KLF17: variants seen among roughly 807,000 people sequenced by gnomAD.
KLF17 encodes KLF transcription factor 17, also known as Krueppel-like factor 17.
In KLF17, 31 loss-of-function variants were observed where a neutral mutation model predicts 34.2. The observed-to-expected ratio is 0.91, with a 90% CI of 0.68 to 1.22. The LOEUF is 1.22. Ranked by LOEUF, KLF17 falls within the 50% of genes most tolerant of loss-of-function variation. The pLI, the probability that KLF17 is intolerant of heterozygous loss-of-function variation, is 0.00. For synonymous variants in KLF17, 179 were observed against 186.7 expected, an observed-to-expected ratio of 0.96 and a Z score of 0.34; for missense variants, 478 against 505.2, an observed-to-expected ratio of 0.95 and a Z score of 0.52.
chr1:44,082,967 G>C, the KLF17 span, among the ~76,000 whole-genome samples: 1 of 147,378 alleles, frequency 6.8e-6, no homozygotes, highest in African/African-American at 2.5e-5. Context: ...TTTGAGACAG[G>C]GTCTCACTCT....
At chr1:44,067,727 C>T in the KLF17 span, among the ~76,000 whole-genome samples, 4 of 152,106 alleles carry the variant, frequency 2.6e-5, no homozygotes, top group Non-Finnish European at 4.4e-5. Context: ...AGAGAAGGAG[C>T]AGCTCACTGT....
At chr1:44,086,257 G>A in the KLF17 span, among the ~76,000 whole-genome samples, 8 of 152,292 alleles carry the variant, frequency 5.3e-5, no homozygotes, top group South Asian at 1.0e-3. Flanking sequence ...ACCTGAGATC[G>A]GGAGTTTGTG....
the KLF17 span, among the ~76,000 whole-genome samples, chr1:44,093,755 C>T: frequency 6.6e-6 from 1 of 152,148 alleles, no homozygotes; most frequent in South Asian, 2.1e-4. Flanking sequence ...GACCAGAGAC[C>T]TCTGGAGGAG....
At chr1:44,129,072 G>A (rs551062433) in intron 1 of KLF17, among the ~76,000 whole-genome samples, 2 of 152,066 alleles carry the variant, frequency 1.3e-5, no homozygotes, top group East Asian at 3.9e-4. Flanking sequence ...TGAAGGTGTA[G>A]GTTATGGACT....
chr1:44,062,619 G>A, the KLF17 span, among the ~76,000 whole-genome samples: 2 of 151,794 alleles, frequency 1.3e-5, no homozygotes, highest in East Asian at 3.9e-4. Context: ...TACTCAGGAG[G>A]CTGAGGTGAT....
At chr1:44,071,784 C>T in the KLF17 span, among the ~76,000 whole-genome samples, 1 of 152,108 alleles carries the variant, frequency 6.6e-6, no homozygotes, top group Non-Finnish European at 1.5e-5. Context: ...CAGCATAAAT[C>T]CAAGCTCCTA....
chr1:44,062,460 T>A, the KLF17 span, among the ~76,000 whole-genome samples: 1 of 151,962 alleles, frequency 6.6e-6, no homozygotes, highest in Non-Finnish European at 1.5e-5. Flanking sequence ...TCCCAACACT[T>A]TGGGAGGCCA....
upstream of KLF17, among the ~76,000 whole-genome samples, chr1:44,117,802 C>T (rs1360362440): frequency 1.3e-5 from 2 of 152,162 alleles, no homozygotes; most frequent in South Asian, 2.1e-4. Flanking sequence ...GCCTCATCTC[C>T]TTTAGATTTC....
At chr1:44,101,406 T>C in the KLF17 span, among the ~76,000 whole-genome samples, 1 of 148,754 alleles carries the variant, frequency 6.7e-6, no homozygotes, top group African/African-American at 2.4e-5. Context: ...TGTCACGTCT[T>C]CTTTATGACT....
the KLF17 span, among the ~76,000 whole-genome samples, chr1:44,090,306 CAAAAAAAAAAAA>C: frequency 1.5e-3 from 34 of 23,414 alleles, no homozygotes; most frequent in East Asian, 0.013. Flanking sequence ...CTTGTCTCTA[CAAAAAAAAAAAA>C]AAAAAAAAAA....
the KLF17 span, among the ~76,000 whole-genome samples, chr1:44,067,053 A>G: frequency 0.13 from 19,687 of 152,076 alleles, 1,484 homozygotes; most frequent in African/African-American, 0.21. Context: ...ATAACATTTA[A>G]CTCTTGGGAT....
chr1:44,061,782 G>A, the KLF17 span, among the ~76,000 whole-genome samples: 1 of 152,172 alleles, frequency 6.6e-6, no homozygotes, highest in Non-Finnish European at 1.5e-5. Flanking sequence ...GCCAGGTGTG[G>A]TGGCAGGTGC....
rs747380426 is a variant in KLF17, at chr1:44,118,918, G to A, written c.11G>A (p.Arg4Gln). The A allele has an allele frequency of 1.9e-6, 3 of 1,611,930 alleles. No homozygotes were observed. The highest frequency in any genetic ancestry group is 2.2e-5 in the South Asian group (2 of 90,634). Residue 4 changes from arginine to glutamine, a missense_variant, in exon 1 of 4, where the codon CGA (arginine) becomes CAA (glutamine). Physicochemically the swap from Arg to Gln is conservative, Grantham distance 43. Transcript: ENST00000372299. ...CCCCACCCAGTCTTCATGTACGGCC[G>A]ACCGCAGGCTGAGATGGAACAGGAG... is the stretch of plus-strand genomic sequence containing the variant. The part of the protein sequence containing the change: MYG[R>Q]PQAEMEQEAG...
At chr1:44,090,281 G>A in the KLF17 span, among the ~76,000 whole-genome samples, 44 of 104,984 alleles carry the variant, frequency 4.2e-4, no homozygotes, top group Middle Eastern at 0.026. Flanking sequence ...ACCAGCCTGG[G>A]CAACACAGTG....
the KLF17 span, among the ~76,000 whole-genome samples, chr1:44,109,375 C>CA: frequency 3.9e-5 from 6 of 152,062 alleles, no homozygotes; most frequent in Admixed American, 1.3e-4. Flanking sequence ...CAAAACAAAA[C>CA]AAAAACCTTT....
chr1:44,113,156 T>C, the KLF17 span, among the ~76,000 whole-genome samples: 1 of 152,180 alleles, frequency 6.6e-6, no homozygotes, highest in African/African-American at 2.4e-5. Flanking sequence ...ATCCCAGCAT[T>C]TTGGGAGGCT....
At chr1:44,073,551 A>C in the KLF17 span, among the ~76,000 whole-genome samples, 1 of 151,950 alleles carries the variant, frequency 6.6e-6, no homozygotes, top group African/African-American at 2.4e-5. Flanking sequence ...ACAGCAGATT[A>C]TTTCTGTGTA....
chr1:44,116,296 C>T (rs1399166009), upstream of KLF17, among the ~76,000 whole-genome samples: 1 of 152,182 alleles, frequency 6.6e-6, no homozygotes, highest in Non-Finnish European at 1.5e-5. Flanking sequence ...CCCTAAGATA[C>T]ATAAGAGCCT....
At chr1:44,057,887 C>T in the KLF17 span, among the ~76,000 whole-genome samples, 5 of 152,288 alleles carry the variant, frequency 3.3e-5, no homozygotes, top group East Asian at 9.6e-4. Context: ...TGTACAACAT[C>T]AAGGAACATA....
Sources: gnomAD v4.1 joint callset for allele counts (sites outside exome capture counted in the v4.1 genomes callset) on GRCh38, gnomAD v4.1.1 for gene constraint, MANE v1.5 for transcripts, NCBI Gene and HGNC (gene_info 2026-07-23, HGNC 2026-07-21) for gene names.